COL4A1: variants seen among roughly 807,000 people sequenced by gnomAD.
The protein encoded by COL4A1 is collagen alpha-1(IV) chain.
Under a neutral mutation model 216.6 loss-of-function variants are expected in COL4A1, and 40 were observed. The observed-to-expected ratio is 0.18, with a 90% CI of 0.14 to 0.24. The LOEUF is 0.24. Ranked by LOEUF, COL4A1 falls within the 10% of genes least tolerant of loss-of-function variation. The pLI is 1.00. For synonymous variants in COL4A1, 839 were observed against 810.7 expected, an observed-to-expected ratio of 1.03 and a Z score of -0.59; for missense variants, 1,628 against 2,196.8, an observed-to-expected ratio of 0.74 and a Z score of 5.18.
Position 110,187,164 on chromosome 13 carries a change from C to A in COL4A1, c.1702G>T (p.Gly568Cys), listed in dbSNP as rs375477517. 2.0e-5 allele frequency: 32 copies of A among 1,613,906 alleles called. No individual in the cohort carries two copies. Among genetic ancestry groups the A allele is most frequent in the Non-Finnish European group, 2.5e-5 (30 of 1,179,938 alleles). ...GGCGAGCCCTTGGGGCCAGGAAGAC[C>A]CGGATGGCCATCTCTTCCAGGAGAA... The part of the protein sequence containing the change: ...AGSPGRDGHP[G>C]LPGPKGSPGS... Residue 568 changes from glycine to cysteine, a missense_variant, in exon 25 of 52, where the codon GGT (glycine) becomes TGT (cysteine). By Grantham distance (159) the Gly-to-Cys change is radical. This residue lies in a region of COL4A1 where 701 missense variants were observed against 892.5 expected (regional missense o/e 0.79). Coordinates refer to ENST00000375820, the MANE Select transcript of COL4A1 (RefSeq NM_001845.6).
At chr13:110,297,520 T>C (rs1884322733) in intron 1 of COL4A1, among the ~76,000 whole-genome samples, 1 of 152,154 alleles carries the variant, frequency 6.6e-6, no homozygotes, top group South Asian at 2.1e-4. Flanking sequence ...GCAAATAAAT[T>C]TATTTTTATT....
At chr13:110,260,881 C>CA (rs202246249) in intron 1 of COL4A1, among the ~76,000 whole-genome samples, 2,249 of 151,900 alleles carry the variant, frequency 0.015, 51 homozygotes, top group African/African-American at 0.051. Context: ...ACTAAAAATA[C>CA]AAAAAATTAG....
intron 20 of COL4A1, among the ~76,000 whole-genome samples, chr13:110,199,454 C>A (rs570897140): frequency 3.3e-5 from 5 of 152,210 alleles, no homozygotes; most frequent in Non-Finnish European, 7.3e-5. Context: ...ACAAGCACAA[C>A]GTGCTCCAAG....
rs908742343 is a variant in COL4A1 at position 110,174,317 on chromosome 13, A to G, written c.3406+129T>C. 5 of 1,005,470 alleles carry G rather than the reference A, an allele frequency of 5.0e-6. No individual in the cohort carries two copies. In the African/African-American group the frequency reaches 6.4e-5, roughly 13 times the overall value. 62.3% of individuals were successfully genotyped at this position (1,005,470 alleles called of 1,614,324 possible). A position where few individuals can be genotyped will look rare whatever the true frequency, so the allele number is the denominator to read the frequency against. On this transcript the variant is annotated intron_variant, in intron 39 of 51. Transcript: ENST00000375820. The stretch of plus-strand genomic sequence containing the variant: ...AACCTGCACTAGACTCAGTTTGCCC[A>G]TCTGAAGATGGGAGACAGGACAGCT...
At chr13:110,166,072 GA>G (rs1304281798) in intron 45 of COL4A1, among the ~76,000 whole-genome samples, 159 bp downstream of exon 45, 2 of 152,154 alleles carry the variant, frequency 1.3e-5, no homozygotes, top group African/African-American at 4.8e-5. Context: ...TCAACTACAG[GA>G]ATCTTGACTT....
rs1334412714 is a variant in COL4A1 at position 110,261,028 on chromosome 13, C to T, written c.85-18294G>A. ...CTCCAGCCTGGGTGACAGAGCGAGA[C>T]TCCGTCTCAAAAAAAAAAAAAAAAA... is the stretch of plus-strand genomic sequence containing the variant. On this transcript the variant is annotated intron_variant, in intron 1 of 51. Transcript: ENST00000375820. Among the ~76,000 whole-genome samples, 3 of 9,494 alleles carry T rather than the reference C, an allele frequency of 3.2e-4. No homozygotes were observed. In the African/African-American group the frequency reaches 3.6e-3, roughly 12 times the overall value. The allele number at this position is 9,494 out of a possible 152,430, so 6.2% of individuals were successfully genotyped here. A position where few individuals can be genotyped will look rare whatever the true frequency, so the allele number is the denominator to read the frequency against.
At position 110,164,956 on chromosome 13, in the gene COL4A1, G is replaced by A. The variant is rs140210015; in HGVS notation, c.4056C>T (p.Tyr1352=). 4,524 of 1,604,612 alleles carry A rather than the reference G, an allele frequency of 2.8e-3. 6 individuals are homozygous for A. Among genetic ancestry groups the A allele is most frequent in the Non-Finnish European group, 3.4e-3 (4,012 of 1,176,008 alleles). ...GCCCGGGCTCCCCTTTGATGATGTC[G>A]TAAGGACCTGGGGGGCCAGGAGGAC... is the stretch of plus-strand genomic sequence containing the variant. ...LPGPPGPPGP[Y]DIIKGEPGLP... Residue 1352 remains tyrosine (Y), a synonymous_variant, in exon 46 of 52, where the codon TAC becomes TAT. Coordinates refer to ENST00000375820, the MANE Select transcript of COL4A1 (RefSeq NM_001845.6).
chr13:110,304,734 A>G (rs921803326), intron 1 of COL4A1, among the ~76,000 whole-genome samples: 2 of 152,248 alleles, frequency 1.3e-5, no homozygotes, highest in Non-Finnish European at 2.9e-5. Flanking sequence ...CAGCAAATAC[A>G]AAATTAAACA....
intron 2 of COL4A1, among the ~76,000 whole-genome samples, chr13:110,221,829 G>A (rs995694235): frequency 7.9e-5 from 12 of 152,184 alleles, no homozygotes; most frequent in Admixed American, 7.2e-4. Flanking sequence ...AGATTTCCAC[G>A]TTGGAAAGGA....
At chr13:110,234,096 T>C (rs1233122165) in intron 2 of COL4A1, among the ~76,000 whole-genome samples, 1 of 152,238 alleles carries the variant, frequency 6.6e-6, no homozygotes, top group Non-Finnish European at 1.5e-5. Flanking sequence ...CATTTTAAGT[T>C]GCTTAAGTGC....
intron 1 of COL4A1, among the ~76,000 whole-genome samples, chr13:110,300,704 G>A (rs1884457359): frequency 6.6e-6 from 1 of 152,190 alleles, no homozygotes; most frequent in African/African-American, 2.4e-5. Context: ...GGTCCTTGCT[G>A]GAATCAGTGG....
intron 24 of COL4A1, chr13:110,190,896 C>A (rs918433320): frequency 2.6e-5 from 4 of 152,164 alleles, no homozygotes; most frequent in Admixed American, 2.6e-4. Flanking sequence ...TTCTTTCTCA[C>A]CTCTTTCCTC....
chr13:110,199,694 C>G (rs576210), intron 20 of COL4A1, among the ~76,000 whole-genome samples: 151,128 of 152,288 alleles, frequency 0.99, 75,004 homozygotes, highest in Middle Eastern at 1. Flanking sequence ...GGACAGAGAG[C>G]AGCGCAGCGA....
In COL4A1 at chr13:110,161,993, T is replaced by C. The variant is rs12428089; in HGVS notation, c.4462+237A>G. The C allele has an allele frequency of 0.16, 94,773 of 589,920 alleles. 9,096 individuals carry two copies. Among genetic ancestry groups the C allele is most frequent in the East Asian group, 0.37 (13,113 of 35,782 alleles). The allele number at this position is 589,920 out of a possible 1,614,324, so 36.5% of individuals were successfully genotyped here. A position where few individuals can be genotyped will look rare whatever the true frequency, so the allele number is the denominator to read the frequency against. ...TTATTAATTTAAAGATTTTCGAAGA[T>C]TCAGTCTCCACATTTCTTGGCTTGC... On this transcript the variant is annotated intron_variant, in intron 48 of 51. Transcript: ENST00000375820.
chr13:110,173,764 G>T, intron 40 of COL4A1, 136 bp downstream of exon 40: 1 of 950,922 alleles, frequency 1.1e-6, no homozygotes, highest in Non-Finnish European at 1.7e-6. Flanking sequence ...ATCCACATCA[G>T]TGTTTAAGTA....
intron 1 of COL4A1, among the ~76,000 whole-genome samples, chr13:110,306,336 T>C (rs1380867472): frequency 6.6e-6 from 1 of 152,268 alleles, no homozygotes; most frequent in Non-Finnish European, 1.5e-5. Context: ...TGGTGGCTTC[T>C]TCAAGCCGGG....
intron 1 of COL4A1, among the ~76,000 whole-genome samples, chr13:110,273,032 T>C (rs1883301433): frequency 6.6e-6 from 1 of 152,210 alleles, no homozygotes; most frequent in Non-Finnish European, 1.5e-5. Flanking sequence ...TGCACATGTG[T>C]GGTAAAATTT....
intron 2 of COL4A1, among the ~76,000 whole-genome samples, chr13:110,221,635 C>T (rs1471151997): frequency 1.3e-5 from 2 of 152,150 alleles, no homozygotes; most frequent in South Asian, 2.1e-4. Context: ...CTCATGGAAG[C>T]GCACAGTAAA....
rs79378149 is a variant in COL4A1, at chr13:110,227,138, C to T, written c.145-13123G>A. ...CTTTGTAGACGTTTTAAAGATTAAA[C>T]TTACAGTATCATTTCCTGCCTTTTT... On this transcript the variant is annotated intron_variant, in intron 2 of 51. Coordinates refer to ENST00000375820, the MANE Select transcript of COL4A1 (RefSeq NM_001845.6). Among the ~76,000 whole-genome samples the T allele has an allele frequency of 6.1e-3, 926 of 152,256 alleles. 7 individuals are homozygous for T. Among genetic ancestry groups the T allele is most frequent in the Middle Eastern group, 0.01 (3 of 294 alleles).
Sources: allele counts gnomAD v4.1 joint callset (sites outside exome capture counted in the v4.1 genomes callset), GRCh38; gene constraint gnomAD v4.1.1; regional missense constraint gnomAD v4.1.1; transcripts MANE v1.5; gene names NCBI Gene and HGNC (gene_info 2026-07-23, HGNC 2026-07-21).